Variants in LPAR1 observed in about 807,000 individuals in gnomAD.
The protein encoded by LPAR1 is LPA receptor 1.
Under a neutral mutation model 23.8 loss-of-function variants are expected in LPAR1, and 5 were observed. The observed-to-expected ratio is 0.21, with a 90% CI of 0.11 to 0.44. LPAR1 has a LOEUF of 0.44. LPAR1 is among the 20% of genes least tolerant of loss of function. The pLI, the probability that LPAR1 is intolerant of heterozygous loss-of-function variation, is 0.99. For missense variants in LPAR1, 311 were observed against 482.8 expected (o/e 0.64, Z 3.33); for synonymous variants, 160 against 164.7 (o/e 0.97, Z 0.22).
intron 5 of LPAR1, among the ~76,000 whole-genome samples, chr9:110,890,658 C>G (rs1479717223): frequency 6.6e-6 from 1 of 152,172 alleles, no homozygotes; most frequent in Non-Finnish European, 1.5e-5. Context: ...GGAGAATAGT[C>G]AGCAGGAAGT....
At chr9:110,986,405 A>C (rs1450860023) in intron 2 of LPAR1, among the ~76,000 whole-genome samples, 1 of 152,062 alleles carries the variant, frequency 6.6e-6, no homozygotes, top group Non-Finnish European at 1.5e-5. Context: ...CATGTTTCTA[A>C]CATGAGAAGT....
intron 5 of LPAR1, among the ~76,000 whole-genome samples, chr9:110,920,447 G>A (rs530797250): frequency 6.6e-6 from 1 of 152,056 alleles, no homozygotes. Context: ...TTCAACTGTT[G>A]TGATTTTTAT....
chr9:110,974,258 C>T (rs1022979052), intron 2 of LPAR1, among the ~76,000 whole-genome samples: 8 of 152,118 alleles, frequency 5.3e-5, no homozygotes, highest in Admixed American at 2.6e-4. Context: ...TACCTGAACA[C>T]TTTTTAAACT....
chr9:110,903,999 G>A (rs1478329007), intron 5 of LPAR1, among the ~76,000 whole-genome samples: 1 of 150,874 alleles, frequency 6.6e-6, no homozygotes, highest in Non-Finnish European at 1.5e-5. Context: ...ATATAGGCCA[G>A]AAGGAAAAGG....
At chr9:110,932,279 A>G (rs1016997642) in intron 5 of LPAR1, among the ~76,000 whole-genome samples, 1 of 152,224 alleles carries the variant, frequency 6.6e-6, no homozygotes, top group Non-Finnish European at 1.5e-5. Flanking sequence ...AAGCCCTGGC[A>G]TCATAGAACA....
chr9:111,017,518 T>C (rs914944414), intron 2 of LPAR1, among the ~76,000 whole-genome samples: 1 of 152,222 alleles, frequency 6.6e-6, no homozygotes, highest in African/African-American at 2.4e-5. Flanking sequence ...GACTGTAATA[T>C]CAATGGCATC....
chr9:110,885,581 C>T (rs1413105967), intron 5 of LPAR1, among the ~76,000 whole-genome samples: 1 of 152,226 alleles, frequency 6.6e-6, no homozygotes, highest in African/African-American at 2.4e-5. Context: ...ATGGTAGCTA[C>T]TATTCTCAGG....
chr9:111,012,995 T>G (rs2097363660), intron 2 of LPAR1, among the ~76,000 whole-genome samples: 2 of 148,674 alleles, frequency 1.3e-5, no homozygotes, highest in South Asian at 4.2e-4. Flanking sequence ...AAGCTTTACG[T>G]GATTTAGAAA....
chr9:110,899,906 C>T (rs958469704), intron 5 of LPAR1, among the ~76,000 whole-genome samples: 5 of 152,062 alleles, frequency 3.3e-5, no homozygotes, highest in African/African-American at 9.7e-5. Context: ...AATACACCAC[C>T]CCCATGCCCC....
intron 5 of LPAR1, among the ~76,000 whole-genome samples, chr9:110,886,317 T>C (rs373573051): frequency 8.1e-5 from 12 of 148,024 alleles, no homozygotes; most frequent in East Asian, 8.0e-4. Context: ...TGAGCAAAGA[T>C]TGCACCATTG....
chr9:111,020,429 G>A (rs1205371668), intron 2 of LPAR1, among the ~76,000 whole-genome samples: 2 of 152,216 alleles, frequency 1.3e-5, no homozygotes, highest in Non-Finnish European at 2.9e-5. Flanking sequence ...ACCCCTGCTT[G>A]AGTGTTGAGA....
intron 4 of LPAR1, among the ~76,000 whole-genome samples, chr9:110,958,578 T>C (rs1246810912): frequency 6.6e-6 from 1 of 151,972 alleles, no homozygotes; most frequent in Non-Finnish European, 1.5e-5. Context: ...AAAAATCAAC[T>C]CAAGATAAAG....
intron 5 of LPAR1, among the ~76,000 whole-genome samples, chr9:110,920,971 A>ATT (rs112389775): frequency 6.7e-6 from 1 of 148,638 alleles, no homozygotes; most frequent in Non-Finnish European, 1.5e-5. Flanking sequence ...ACAACAACAA[A>ATT]TTTTTTTTTT....
At chr9:110,967,114 T>G (rs1029382352) in intron 4 of LPAR1, among the ~76,000 whole-genome samples, 2 of 152,178 alleles carry the variant, frequency 1.3e-5, no homozygotes, top group Non-Finnish European at 2.9e-5. Flanking sequence ...AAAACTCTTT[T>G]TCAGTGTCTG....
At chr9:110,893,527 G>A (rs1017374460) in intron 5 of LPAR1, among the ~76,000 whole-genome samples, 5 of 152,130 alleles carry the variant, frequency 3.3e-5, no homozygotes, top group African/African-American at 1.2e-4. Context: ...TACCCTATGT[G>A]CATTACAAAA....
intron 2 of LPAR1, among the ~76,000 whole-genome samples, chr9:111,028,877 C>A (rs977705297): frequency 6.6e-6 from 1 of 151,996 alleles, no homozygotes. Flanking sequence ...TTCCCCCAGA[C>A]GTCAAATCAC....
rs187553768 is a variant in LPAR1 at position 110,886,224 on chromosome 9, C to T, written c.794-10502G>A. On this transcript the variant is annotated intron_variant, in intron 5 of 5. Coordinates refer to ENST00000683809, the MANE Select transcript of LPAR1 (RefSeq NM_001351411.2). ...AAAAAAAAAAAAAAATTTAGCTGGGCGTGGTGACACATGCCTGTAATCCCA... is the reference window on the plus strand; with the variant it reads ...AAAAAAAAAAAAAAATTTAGCTGGGTGTGGTGACACATGCCTGTAATCCCA... Among the ~76,000 whole-genome samples, 375 of 147,640 alleles carry T rather than the reference C, an allele frequency of 2.5e-3. 5 individuals carry two copies. Among genetic ancestry groups the T allele is most frequent in the Middle Eastern group, 0.014 (4 of 280 alleles).
intron 4 of LPAR1, among the ~76,000 whole-genome samples, chr9:110,969,765 C>T (rs908926941): frequency 6.6e-6 from 1 of 151,830 alleles, no homozygotes; most frequent in Admixed American, 6.6e-5. Flanking sequence ...CAATCATGTC[C>T]ACATTCCTGA....
At chr9:110,877,956 T>G (rs1302988986) in intron 5 of LPAR1, among the ~76,000 whole-genome samples, 2 of 152,184 alleles carry the variant, frequency 1.3e-5, no homozygotes, top group Non-Finnish European at 2.9e-5. Context: ...GTGTAAGATC[T>G]TTCCAGAAAG....
Sources: gnomAD v4.1 joint callset for allele counts (sites outside exome capture counted in the v4.1 genomes callset) on GRCh38, gnomAD v4.1.1 for gene constraint, MANE v1.5 for transcripts, NCBI Gene and HGNC (gene_info 2026-07-23, HGNC 2026-07-21) for gene names.